CTNND2: variants seen among roughly 807,000 people sequenced by gnomAD.
The protein encoded by CTNND2 is catenin delta 2, also known as catenin delta-2.
Under a neutral mutation model 144.4 loss-of-function variants are expected in CTNND2, and 22 were observed. The ratio of observed to expected loss-of-function variants is 0.15; its 90% CI spans 0.11 to 0.22. The LOEUF (loss-of-function observed/expected upper bound fraction) is 0.22, where lower values mean the gene tolerates loss of function less well. CTNND2 is among the 10% of genes least tolerant of loss of function. CTNND2 has a pLI of 1.00. For synonymous variants in CTNND2, 751 were observed against 695.6 expected, an observed-to-expected ratio of 1.08 and a Z score of -1.25; for missense variants, 1,353 against 1,618.8, an observed-to-expected ratio of 0.84 and a Z score of 2.82.
chr5:11,147,441 A>C (rs1315605859), intron 12 of CTNND2, among the ~76,000 whole-genome samples: 1 of 152,200 alleles, frequency 6.6e-6, no homozygotes, highest in East Asian at 1.9e-4. Context: ...GAACAACGGA[A>C]AAGAGGCTAG....
Position 11,903,722 on chromosome 5 carries a change from G to T in CTNND2, c.37+95C>A. The T allele has an allele frequency of 3.2e-6, 4 of 1,266,930 alleles. No individual in the cohort carries two copies. The highest frequency in any genetic ancestry group is 1.6e-5 in the South Asian group (1 of 60,920). The allele number at this position is 1,266,930 out of a possible 1,614,324, so 78.5% of individuals were successfully genotyped here. On this transcript the variant is annotated intron_variant, in intron 1 of 21. Transcript: ENST00000304623. This position sits in a 1 kb window ranked among gnomAD's most constrained non-coding sequence, Gnocchi z 5.4. The stretch of plus-strand genomic sequence containing the variant: ...CAGCCGCCGCCGCCGCCTGCCGGCC[G>T]GGAGCCCAGGACCACCCCCACCAGC...
At chr5:11,039,330 C>T (rs1744428389) in intron 16 of CTNND2, among the ~76,000 whole-genome samples, 1 of 152,196 alleles carries the variant, frequency 6.6e-6, no homozygotes, top group Admixed American at 6.5e-5. Flanking sequence ...ATGTAGACGG[C>T]TGGTCTTAAT....
chr5:11,532,980 A>G (rs1773885867), intron 3 of CTNND2, among the ~76,000 whole-genome samples: 1 of 152,218 alleles, frequency 6.6e-6, no homozygotes, highest in Non-Finnish European at 1.5e-5. Context: ...TATGTTAGCA[A>G]TTAATGCCTC....
intron 1 of CTNND2, among the ~76,000 whole-genome samples, chr5:11,747,540 A>C (rs967346022): frequency 6.6e-6 from 1 of 152,136 alleles, no homozygotes; most frequent in African/African-American, 2.4e-5. Flanking sequence ...TAGACTTCGA[A>C]TCCATCTCAT....
intron 3 of CTNND2, among the ~76,000 whole-genome samples, chr5:11,549,297 A>C (rs1476693137): frequency 6.6e-6 from 1 of 152,198 alleles, no homozygotes; most frequent in Non-Finnish European, 1.5e-5. Context: ...CGGTGTCTGC[A>C]ACATTGTGTA....
At chr5:11,269,114 T>A (rs550101424) in intron 9 of CTNND2, among the ~76,000 whole-genome samples, 1 of 152,338 alleles carries the variant, frequency 6.6e-6, no homozygotes, top group African/African-American at 2.4e-5. Flanking sequence ...ACTGTGAGAC[T>A]GTGGGCAAGC....
At chr5:11,181,850 GGATGTGTGTGTGTGTTA>G (rs1735036268) in intron 11 of CTNND2, among the ~76,000 whole-genome samples, 1 of 53,016 alleles carries the variant, frequency 1.9e-5, no homozygotes, top group East Asian at 3.6e-4. Context: ...ATGTGTGTGT[GGATGTGTGTGTGTGTTA>G]TGTGTGGCGT....
At chr5:11,238,406 T>C (rs1436957696) in intron 9 of CTNND2, among the ~76,000 whole-genome samples, 1 of 152,148 alleles carries the variant, frequency 6.6e-6, no homozygotes, top group Non-Finnish European at 1.5e-5. Context: ...GATGCTGTCA[T>C]CTGGGAAGAG....
Position 10,988,045 on chromosome 5 carries a change from CAT to C in CTNND2, c.3343+64_3343+65del. 6.2e-7 allele frequency: 1 copy of C among 1,603,592 alleles called. No individual in the cohort carries two copies. Among genetic ancestry groups the C allele is most frequent in the Non-Finnish European group, 8.5e-7 (1 of 1,174,586 alleles). Reference sequence around the variant, plus strand: ...GCCAGCCCCGTGAAGCCTGATGTCCCATATCTCTGCCTTGTCGCGGGTCAAGC... The same window carrying C: ...GCCAGCCCCGTGAAGCCTGATGTCCCATCTCTGCCTTGTCGCGGGTCAAGC... On this transcript the variant is annotated intron_variant, in intron 20 of 21. Coordinates refer to ENST00000304623, the MANE Select transcript of CTNND2 (RefSeq NM_001332.4). This position sits in a 1 kb window ranked among gnomAD's most constrained non-coding sequence, Gnocchi z 5.9.
At chr5:11,757,253 A>C (rs1007189126) in intron 1 of CTNND2, among the ~76,000 whole-genome samples, 3 of 151,586 alleles carry the variant, frequency 2.0e-5, no homozygotes, top group Admixed American at 6.6e-5. Flanking sequence ...CTTTTTTTCC[A>C]ATCAGGATGT....
chr5:11,868,528 C>G (rs1795882118), intron 1 of CTNND2, among the ~76,000 whole-genome samples: 1 of 152,154 alleles, frequency 6.6e-6, no homozygotes, highest in Admixed American at 6.5e-5. Context: ...GAGCAAATGA[C>G]TTGAATAGAC....
chr5:11,355,701 A>T (rs1177165862), intron 8 of CTNND2, among the ~76,000 whole-genome samples: 2 of 152,114 alleles, frequency 1.3e-5, no homozygotes, highest in Non-Finnish European at 2.9e-5. Flanking sequence ...GCAAGAAACA[A>T]AAACAAAAGG....
chr5:11,013,742 G>A (rs1741327092), intron 18 of CTNND2, among the ~76,000 whole-genome samples: 1 of 152,176 alleles, frequency 6.6e-6, no homozygotes, highest in South Asian at 2.1e-4. Context: ...TGCTGGAACG[G>A]TACTGCCTTT....
chr5:11,083,876 C>T, intron 15 of CTNND2: 4 of 1,122,020 alleles, frequency 3.6e-6, no homozygotes, highest in Non-Finnish European at 4.4e-6. Context: ...AGAGCTGGCT[C>T]TCACCTGTGG....
In CTNND2 at chr5:11,901,416, T is replaced by C. The variant is rs1385276725; in HGVS notation, c.37+2401A>G. On this transcript the variant is annotated intron_variant, in intron 1 of 21. Transcript: ENST00000304623. ...CCTTAGAAATTATTTAACAAAACTA[T>C]AAATTGCATTTGCAAACTAGTATTT... is the stretch of plus-strand genomic sequence containing the variant. 3.9e-5 allele frequency among the ~76,000 whole-genome samples: 6 copies of C among 152,248 alleles called. No homozygotes were observed. In the East Asian group the frequency reaches 1.2e-3, roughly 29 times the overall value.
chr5:11,007,365 G>A (rs1200385420), intron 18 of CTNND2, among the ~76,000 whole-genome samples: 3 of 137,974 alleles, frequency 2.2e-5, no homozygotes, highest in African/African-American at 7.7e-5. Context: ...GTTAAATGGA[G>A]CACTGGCGGT....
chr5:11,267,174 C>T lies in CTNND2; in HGVS notation c.1629-30351G>A, dbSNP rs185211648. 1.4e-4 allele frequency among the ~76,000 whole-genome samples: 22 copies of T among 152,264 alleles called. No individual in the cohort carries two copies. The East Asian group carries it at 3.9e-3, about 27-fold the overall frequency. ...AATTACAGGCGTGAGCCACCGTGCC[C>T]GACCTGAAGCTGACTTTCCATGAGA... On this transcript the variant is annotated intron_variant, in intron 9 of 21. Transcript: ENST00000304623.
intron 14 of CTNND2, among the ~76,000 whole-genome samples, chr5:11,101,151 T>C (rs1237420978): frequency 6.6e-6 from 1 of 152,208 alleles, no homozygotes; most frequent in Non-Finnish European, 1.5e-5. Context: ...AAAAGGACTA[T>C]TTCAAAGCCA....
At chr5:11,749,666 C>A (rs981874938) in intron 1 of CTNND2, among the ~76,000 whole-genome samples, 3 of 151,930 alleles carry the variant, frequency 2.0e-5, no homozygotes, top group Non-Finnish European at 2.9e-5. Flanking sequence ...AAGGATTTTA[C>A]TTAGTATATA....
Sources: gnomAD v4.1 joint callset for allele counts (sites outside exome capture counted in the v4.1 genomes callset) on GRCh38, gnomAD v4.1.1 for gene constraint, Gnocchi (gnomAD v3.1) non-coding constraint, MANE v1.5 for transcripts, NCBI Gene and HGNC (gene_info 2026-07-23, HGNC 2026-07-21) for gene names.